ROCK1: variants seen among roughly 807,000 people sequenced by gnomAD.
ROCK1 encodes the protein Rho associated coiled-coil containing protein kinase 1, also known as rho-associated protein kinase 1.
ROCK1 carries 36 observed loss-of-function variants against 196.8 expected under a neutral mutation model. The ratio of observed to expected loss-of-function variants is 0.18; its 90% CI spans 0.14 to 0.24. The LOEUF is 0.24. Among genes scored for constraint, ROCK1 ranks in the 10% least tolerant of loss-of-function variants. ROCK1 has a pLI of 1.00. For missense variants in ROCK1, 920 were observed against 1,562.0 expected, an observed-to-expected ratio of 0.59 and a Z score of 6.93; for synonymous variants, 443 against 515.9, an observed-to-expected ratio of 0.86 and a Z score of 1.91.
chr18:20,992,748 T>A (rs1344184674), intron 17 of ROCK1, 83 bp downstream of exon 17: 1 of 771,388 alleles, frequency 1.3e-6, no homozygotes, highest in African/African-American at 1.8e-5. Flanking sequence ...TAAGAATAAA[T>A]GCTATTTTAT....
chr18:20,995,287 C>T (rs1472243920), intron 16 of ROCK1, among the ~76,000 whole-genome samples: 11 of 152,058 alleles, frequency 7.2e-5, no homozygotes, highest in Admixed American at 6.6e-5. Context: ...TAAGTATGTA[C>T]AATTATTATG....
At chr18:21,049,062 A>G (rs2036183634) in intron 4 of ROCK1, 30 bp downstream of exon 4, 16 of 1,540,688 alleles carry the variant, frequency 1.0e-5, no homozygotes, top group Non-Finnish European at 1.4e-5. Flanking sequence ...AAACTAATGC[A>G]GCAATAATGA....
intron 2 of ROCK1, among the ~76,000 whole-genome samples, chr18:21,051,997 C>G (rs1013702916): frequency 2.3e-4 from 35 of 152,198 alleles, no homozygotes; most frequent in African/African-American, 8.4e-4. Flanking sequence ...TATTGTAATA[C>G]CCCAGATGAG....
chr18:20,968,297 C>T (rs925013175), intron 25 of ROCK1, among the ~76,000 whole-genome samples: 13 of 152,070 alleles, frequency 8.5e-5, no homozygotes, highest in Admixed American at 3.3e-4. Context: ...GCTTTCTTAA[C>T]TGAAATCCTA....
At chr18:20,985,644 C>T (rs1292317075) in intron 19 of ROCK1, among the ~76,000 whole-genome samples, 4 of 152,140 alleles carry the variant, frequency 2.6e-5, no homozygotes, top group Admixed American at 1.3e-4. Flanking sequence ...TTATTCACTT[C>T]GGTAACCCCC....
chr18:20,948,798 T>G lies in ROCK1; in HGVS notation c.*2586A>C, dbSNP rs1481069278. The G allele has an allele frequency of 2.0e-5, 3 of 152,242 alleles. No homozygotes were observed. The highest frequency in any genetic ancestry group is 2.9e-5 in the Non-Finnish European group (2 of 68,082). The allele number at this position is 152,242 out of a possible 1,614,324, so 9.4% of individuals were successfully genotyped here. On this transcript the variant is annotated 3_prime_UTR_variant, in exon 33 of 33. Coordinates refer to ENST00000399799, the MANE Select transcript of ROCK1 (RefSeq NM_005406.3). Reference sequence around the variant, plus strand: ...GCACCTAGAGAAGGCAGACGTGAGATGCAGGCTGTGCTAAATGCCAGCAAG... The same window carrying G: ...GCACCTAGAGAAGGCAGACGTGAGAGGCAGGCTGTGCTAAATGCCAGCAAG...
chr18:21,020,390 A>T, intron 11 of ROCK1, 151 bp from the exon 12 acceptor site: 6 of 464,278 alleles, frequency 1.3e-5, no homozygotes, highest in Non-Finnish European at 2.2e-5. Flanking sequence ...TTATTAATTT[A>T]ACAAGCACTT....
Position 21,049,224 on chromosome 18 carries a change from C to A in ROCK1, c.282G>T (p.Arg94Ser). The A allele has an allele frequency of 6.3e-7, 1 of 1,575,862 alleles. No individual in the cohort carries two copies. Among genetic ancestry groups the A allele is most frequent in the Non-Finnish European group, 8.6e-7 (1 of 1,161,746 alleles). ...CATATACCTTCCTGGTGGATTTATG[C>A]CTTACCTTTAAAATTGAAAAGGGAA... The part of the protein sequence containing the change: ...RGAFGEVQLV[R>S]HKSTRKVYAM... The change falls in exon 4 of 33, where the codon AGG becomes AGT. Residue 94 changes from arginine to serine, a missense_variant. Physicochemically the swap from Arg to Ser is moderately radical, Grantham distance 110. Around this residue, in one of 6 missense-constraint regions of ROCK1, gnomAD observed 234 missense variants for 460.7 expected, o/e 0.51. Coordinates refer to ENST00000399799, the MANE Select transcript of ROCK1 (RefSeq NM_005406.3).
At chr18:20,987,216 T>C in intron 18 of ROCK1, 106 bp from the exon 19 acceptor site, 1 of 951,272 alleles carries the variant, frequency 1.1e-6, no homozygotes, top group Non-Finnish European at 1.6e-6. Context: ...ATTGTTTTTA[T>C]TCTGGGACTT....
chr18:20,952,238 A>AG (rs1294425955), intron 32 of ROCK1, among the ~76,000 whole-genome samples: 1 of 151,786 alleles, frequency 6.6e-6, no homozygotes, highest in Admixed American at 6.6e-5. Context: ...AAAAATTAGC[A>AG]GGCCGTGGTG....
intron 1 of ROCK1, among the ~76,000 whole-genome samples, chr18:21,098,283 T>C (rs2036628347): frequency 6.6e-6 from 1 of 152,116 alleles, no homozygotes; most frequent in Non-Finnish European, 1.5e-5. Flanking sequence ...CAAGTACACA[T>C]GGAAATTTAA....
intron 29 of ROCK1, among the ~76,000 whole-genome samples, chr18:20,959,114 T>TATAA (rs1568367447): frequency 6.1e-5 from 3 of 49,360 alleles, no homozygotes; most frequent in African/African-American, 3.9e-4. Flanking sequence ...TATATATATA[T>TATAA]TATATAATAT....
intron 1 of ROCK1, among the ~76,000 whole-genome samples, chr18:21,078,373 C>CACACAGAGAG (rs1491188980): frequency 8.8e-4 from 58 of 66,226 alleles, no homozygotes; most frequent in South Asian, 1.9e-3. Context: ...CACACACACA[C>CACACAGAGAG]AGAGAGAGAG....
intron 10 of ROCK1, among the ~76,000 whole-genome samples, chr18:21,027,324 A>C (rs931609178): frequency 6.6e-6 from 1 of 152,206 alleles, no homozygotes; most frequent in Non-Finnish European, 1.5e-5. Flanking sequence ...AAGAGAAGGC[A>C]CTGTATCTTA....
rs1295107661 is a variant in ROCK1 at position 20,991,228 on chromosome 18, A to G, written c.2091T>C (p.Arg697=). 1.1e-5 allele frequency: 17 copies of G among 1,613,222 alleles called. No homozygotes were observed. The highest frequency in any genetic ancestry group is 1.4e-5 in the Non-Finnish European group (17 of 1,179,714). ...CAATAGATTGATGTTTGTCAGTTAA[A>G]CGAGCTTTGGTTACTTTGTGTTCAT... ...EVNEHKVTKA[R]LTDKHQSIEE... The change falls in exon 18 of 33, where the codon CGT becomes CGC. Residue 697 remains arginine, a synonymous_variant. Coordinates refer to ENST00000399799, the MANE Select transcript of ROCK1 (RefSeq NM_005406.3).
intron 1 of ROCK1, among the ~76,000 whole-genome samples, chr18:21,075,444 A>T (rs1231625255): frequency 1.3e-5 from 2 of 152,232 alleles, no homozygotes; most frequent in African/African-American, 4.8e-5. Flanking sequence ...GACACACTAC[A>T]TCTGAGGTCC....
chr18:20,984,814 T>G lies in ROCK1; in HGVS notation c.2305-279A>C, dbSNP rs555647780. Among the ~76,000 whole-genome samples the G allele has an allele frequency of 5.9e-5, 9 of 152,226 alleles. No individual in the cohort carries two copies. In the South Asian group the frequency reaches 1.9e-3, roughly 32 times the overall value. On this transcript the variant is annotated intron_variant, in intron 19 of 32. Coordinates refer to ENST00000399799, the MANE Select transcript of ROCK1 (RefSeq NM_005406.3). ...ATGAAAATTCTGTAGTACAAGGTGA[T>G]TATAAAACTCACTTCTGGGCCAGGC...
At chr18:21,090,405 G>C (rs1318914670) in intron 1 of ROCK1, among the ~76,000 whole-genome samples, 1 of 152,136 alleles carries the variant, frequency 6.6e-6, no homozygotes, top group Non-Finnish European at 1.5e-5. Context: ...TGAGGCTGTA[G>C]TGAATCATGA....
At chr18:20,974,252 C>A (rs991911024) in intron 22 of ROCK1, among the ~76,000 whole-genome samples, 6 of 152,094 alleles carry the variant, frequency 3.9e-5, no homozygotes, top group Admixed American at 2.0e-4. Flanking sequence ...AGCTGGAGAT[C>A]TGAGTAGAGA....
Sources: allele counts gnomAD v4.1 joint callset (sites outside exome capture counted in the v4.1 genomes callset), GRCh38; gene constraint gnomAD v4.1.1; regional missense constraint gnomAD v4.1.1; transcripts MANE v1.5; gene names NCBI Gene and HGNC (gene_info 2026-07-23, HGNC 2026-07-21).